Variants in NCOR1 observed in about 807,000 individuals in gnomAD.
NCOR1 encodes protein phosphatase 1, regulatory subunit 109.
A neutral mutation model predicts 288.1 loss-of-function variants in NCOR1; 63 were observed. That is an observed-to-expected ratio of 0.22 (90% CI 0.18 to 0.27). The LOEUF (loss-of-function observed/expected upper bound fraction) is 0.27. NCOR1 is among the 10% of genes least tolerant of loss of function. The pLI, the probability that NCOR1 is intolerant of heterozygous loss-of-function variation, is 1.00. For missense variants in NCOR1, 2,397 were observed against 3,019.2 expected, an observed-to-expected ratio of 0.79 and a Z score of 4.83; for synonymous variants, 1,007 against 1,065.9, an observed-to-expected ratio of 0.94 and a Z score of 1.08.
chr17:16,195,571 T>C lies in NCOR1; in HGVS notation c.-70-932A>G, dbSNP rs529868349. Among the ~76,000 whole-genome samples the C allele has an allele frequency of 1.2e-3, 178 of 152,382 alleles. 1 individual carries two copies. The highest frequency in any genetic ancestry group is 4.1e-3 in the African/African-American group (170 of 41,592). On this transcript the variant is annotated intron_variant, in intron 1 of 45. Coordinates refer to ENST00000268712, the MANE Select transcript of NCOR1 (RefSeq NM_006311.4). ...TAGACTAATTTGATTTATCTGTCTT[T>C]TCTTGTGCCAATGCCACACTTTTCA...
intron 6 of NCOR1, among the ~76,000 whole-genome samples, chr17:16,154,791 G>C (rs1378317780): frequency 6.6e-6 from 1 of 152,180 alleles, no homozygotes. Context: ...TGAAGCGTGA[G>C]ACTCAATAAC....
At position 16,146,453 on chromosome 17, in the gene NCOR1, T is replaced by C; in HGVS notation, c.1005A>G (p.Glu335=). ...IENNPRRKAK[E]SKTREYYEKQ... ...TTTCATAGTATTCCCTTGTTTTGCT[T>C]TCTTTAGCTTTCCTCCGAGGATTAT... Residue 335 remains glutamate, a synonymous_variant, in exon 10 of 46, where the codon GAA becomes GAG. Coordinates refer to ENST00000268712, the MANE Select transcript of NCOR1 (RefSeq NM_006311.4). 6.2e-7 allele frequency: 1 copy of C among 1,613,724 alleles called. No homozygotes were observed. The highest frequency in any genetic ancestry group is 2.2e-5 in the East Asian group (1 of 44,852).
chr17:16,114,160 A>AAC (rs1555667910), intron 18 of NCOR1, among the ~76,000 whole-genome samples: 49 of 106,930 alleles, frequency 4.6e-4, no homozygotes, highest in African/African-American at 1.5e-3. Flanking sequence ...AAAAAAAAAA[A>AAC]AAAAAAAAAC....
At chr17:16,140,895 G>A (rs1244540042) in intron 11 of NCOR1, among the ~76,000 whole-genome samples, 1 of 151,922 alleles carries the variant, frequency 6.6e-6, no homozygotes, top group African/African-American at 2.4e-5. Context: ...GGAGACTGAG[G>A]TGGGAGGATC....
chr17:16,036,916 C>T (rs2056505494), intron 44 of NCOR1, among the ~76,000 whole-genome samples: 1 of 152,232 alleles, frequency 6.6e-6, no homozygotes, highest in African/African-American at 2.4e-5. Context: ...TTTGCATTCA[C>T]AATTTGGCTA....
intron 19 of NCOR1, among the ~76,000 whole-genome samples, chr17:16,106,880 TA>T (rs1423250858): frequency 0.037 from 2,071 of 55,830 alleles, 67 homozygotes; most frequent in Non-Finnish European, 0.043. Context: ...TATATATATA[TA>T]TATTTTTTTT....
intron 18 of NCOR1, among the ~76,000 whole-genome samples, chr17:16,112,906 A>G (rs1410058228): frequency 6.6e-6 from 1 of 151,770 alleles, no homozygotes; most frequent in African/African-American, 2.4e-5. Context: ...AAACTCATAA[A>G]TTATTATTTA....
Position 16,061,829 on chromosome 17 carries a change from G to A in NCOR1, c.5453C>T (p.Ala1818Val), listed in dbSNP as rs762213757. Reference sequence around the variant, plus strand: ...ATCCACAAGAGCAGCCAGGGCATCCGCAGCAGTGTTGTAACGGGAGGCTGG... The same window carrying A: ...ATCCACAAGAGCAGCCAGGGCATCCACAGCAGTGTTGTAACGGGAGGCTGG... The part of the protein sequence containing the change: ...GLPASRYNTA[A>V]DALAALVDAA... The change falls in exon 37 of 46, where the codon GCG becomes GTG. Residue 1818 changes from alanine (A) to valine (V), a missense_variant. This residue lies in a region of NCOR1 where 1,872 missense variants were observed against 2,187.8 expected (regional missense o/e 0.86). Coordinates refer to ENST00000268712, the MANE Select transcript of NCOR1 (RefSeq NM_006311.4). 11 of 1,614,054 alleles carry A rather than the reference G, an allele frequency of 6.8e-6. No individual in the cohort carries two copies. The highest frequency in any genetic ancestry group is 2.7e-5 in the African/African-American group (2 of 74,924).
intron 42 of NCOR1, among the ~76,000 whole-genome samples, chr17:16,042,873 TTAG>T (rs573799449): frequency 2.0e-5 from 3 of 152,282 alleles, no homozygotes; most frequent in African/African-American, 7.2e-5. Flanking sequence ...TAAGTAGAGC[TTAG>T]TAGGAAAAGC....
At chr17:16,064,455 T>G (rs1020187946) in intron 34 of NCOR1, among the ~76,000 whole-genome samples, 8 of 151,416 alleles carry the variant, frequency 5.3e-5, no homozygotes, top group African/African-American at 1.5e-4. Flanking sequence ...CACAAAAAAT[T>G]AGCCAGGTGT....
intron 7 of NCOR1, among the ~76,000 whole-genome samples, chr17:16,152,621 C>A (rs2079062108): frequency 1.3e-5 from 2 of 152,128 alleles, no homozygotes; most frequent in Admixed American, 6.5e-5. Flanking sequence ...CATACGTGTG[C>A]ATGTGTCTTT....
chr17:16,214,854 C>T (rs929146567), intron 1 of NCOR1, among the ~76,000 whole-genome samples: 2 of 152,232 alleles, frequency 1.3e-5, no homozygotes, highest in Admixed American at 6.5e-5. Flanking sequence ...CAGTACCCAG[C>T]CTTCGCCATT....
intron 14 of NCOR1, among the ~76,000 whole-genome samples, chr17:16,128,857 CCTT>C (rs1398684222): frequency 6.6e-6 from 1 of 152,202 alleles, no homozygotes; most frequent in Non-Finnish European, 1.5e-5. Context: ...CATTATGCCT[CCTT>C]CTAATCCAAG....
intron 44 of NCOR1, among the ~76,000 whole-genome samples, chr17:16,038,070 GT>G (rs997306982): frequency 2.7e-4 from 41 of 149,254 alleles, no homozygotes; most frequent in African/African-American, 7.1e-4. Flanking sequence ...AACATGTATA[GT>G]TTTTTTTTTA....
At chr17:16,051,841 G>A (rs1484352450) in intron 40 of NCOR1, among the ~76,000 whole-genome samples, 2 of 152,050 alleles carry the variant, frequency 1.3e-5, no homozygotes, top group East Asian at 3.9e-4. Context: ...GAACCAGGAG[G>A]CAGACGTTGT....
chr17:16,064,400 G>A (rs999077529), intron 34 of NCOR1, among the ~76,000 whole-genome samples: 1 of 152,074 alleles, frequency 6.6e-6, no homozygotes, highest in Non-Finnish European at 1.5e-5. Flanking sequence ...AGGAGTTTAC[G>A]ACCAGCCTGG....
At chr17:16,151,112 G>A (rs1009818800) in intron 8 of NCOR1, among the ~76,000 whole-genome samples, 18 of 151,272 alleles carry the variant, frequency 1.2e-4, no homozygotes, top group Non-Finnish European at 5.9e-5. Flanking sequence ...ATTATGTTCT[G>A]CTTATACTTA....
chr17:16,121,946 T>C (rs1487207652), intron 15 of NCOR1, among the ~76,000 whole-genome samples: 1 of 152,192 alleles, frequency 6.6e-6, no homozygotes, highest in African/African-American at 2.4e-5. Context: ...GGCCTCAGTT[T>C]CCTCATCTGT....
At chr17:16,063,380 A>C (rs1481553586) in intron 35 of NCOR1, among the ~76,000 whole-genome samples, 1 of 152,084 alleles carries the variant, frequency 6.6e-6, no homozygotes, top group East Asian at 1.9e-4. Context: ...ACAGGGTCTC[A>C]CCATGTTGCT....
Sources: allele counts gnomAD v4.1 joint callset (sites outside exome capture counted in the v4.1 genomes callset), GRCh38; gene constraint gnomAD v4.1.1; regional missense constraint gnomAD v4.1.1; transcripts MANE v1.5; gene names NCBI Gene and HGNC (gene_info 2026-07-23, HGNC 2026-07-21).